The following DCC variants were observed in gnomAD, a reference collection of about 807,000 sequenced individuals.
DCC encodes DCC netrin 1 receptor, also known as netrin receptor DCC.
Under a neutral mutation model 172.5 loss-of-function variants are expected in DCC, and 58 were observed. The ratio of observed to expected loss-of-function variants is 0.34; its 90% CI spans 0.27 to 0.42. The LOEUF is 0.42. Ranked by LOEUF, DCC falls within the 10% of genes least tolerant of loss-of-function variation. DCC has a pLI of 1.00. For synonymous variants in DCC, 709 were observed against 644.5 expected (o/e 1.10, Z -1.52); for missense variants, 1,740 against 1,791.0 (o/e 0.97, Z 0.51).
chr18:53,205,565 G>T (rs140752771), intron 10 of DCC, among the ~76,000 whole-genome samples: 72 of 152,276 alleles, frequency 4.7e-4, no homozygotes, highest in African/African-American at 1.6e-3. Flanking sequence ...GGTGGTAAGA[G>T]GTAAATGGGC....
intron 2 of DCC, among the ~76,000 whole-genome samples, chr18:52,834,981 TTTC>T (rs754894919): frequency 1.1e-4 from 16 of 152,300 alleles, no homozygotes; most frequent in South Asian, 8.3e-4. Context: ...TATTAAACTA[TTTC>T]TTCTTTTGTA....
Position 53,127,393 on chromosome 18 carries a change from A to G in DCC, c.1262-29963A>G, listed in dbSNP as rs563464621. 7.2e-5 allele frequency among the ~76,000 whole-genome samples: 11 copies of G among 152,156 alleles called. No homozygotes were observed. The East Asian group carries it at 1.8e-3, about 24-fold the overall frequency. The stretch of plus-strand genomic sequence containing the variant: ...TTTCCTATAAATCAACAAGGCAGAG[A>G]AGCCCTAAAATTTGCCTTGCTGCTC... On this transcript the variant is annotated intron_variant, in intron 7 of 28. Transcript: ENST00000442544.
chr18:53,345,618 T>C (rs976375195), intron 15 of DCC, among the ~76,000 whole-genome samples: 1 of 152,222 alleles, frequency 6.6e-6, no homozygotes, highest in Non-Finnish European at 1.5e-5. Context: ...TCCCTTTAGA[T>C]TGAAAATCTT....
chr18:53,143,350 A>G (rs1009307348), intron 7 of DCC, among the ~76,000 whole-genome samples: 3 of 152,196 alleles, frequency 2.0e-5, no homozygotes, highest in Admixed American at 2.0e-4. Flanking sequence ...GCTGTATAGC[A>G]GTGATTCCTC....
intron 1 of DCC, among the ~76,000 whole-genome samples, chr18:52,594,473 G>T (rs1020861258): frequency 3.3e-5 from 5 of 152,158 alleles, no homozygotes; most frequent in African/African-American, 1.2e-4. Flanking sequence ...TTGGAGAGGA[G>T]ACAGGAACTG....
intron 8 of DCC, among the ~76,000 whole-genome samples, chr18:53,158,257 G>A (rs546510734): frequency 1.3e-5 from 2 of 152,284 alleles, no homozygotes; most frequent in East Asian, 3.9e-4. Flanking sequence ...AGTTGTTATT[G>A]TGGATATTAC....
intron 7 of DCC, among the ~76,000 whole-genome samples, chr18:53,090,715 A>C (rs2042993027): frequency 2.7e-4 from 29 of 107,700 alleles, no homozygotes; most frequent in Admixed American, 1.7e-3. Flanking sequence ...AAAAAAAAAA[A>C]AAAAAAAAAA....
chr18:52,504,486 C>T (rs1362677034), intron 1 of DCC, among the ~76,000 whole-genome samples: 1 of 152,094 alleles, frequency 6.6e-6, no homozygotes, highest in African/African-American at 2.4e-5. Context: ...ACTGAACAAG[C>T]TAGGGCCTCC....
intron 8 of DCC, among the ~76,000 whole-genome samples, chr18:53,170,545 T>C (rs182187826): frequency 2.0e-5 from 3 of 152,328 alleles, no homozygotes; most frequent in Admixed American, 1.3e-4. Context: ...TTAAATACTT[T>C]GTGGAAAAGT....
At chr18:53,435,245 T>C in intron 22 of DCC, 36 bp downstream of exon 22, 1 of 1,340,214 alleles carries the variant, frequency 7.5e-7, no homozygotes, top group Non-Finnish European at 1.1e-6. Flanking sequence ...GAATTAGTTA[T>C]ATTAATTAAA....
rs147008653 is a variant in DCC, at chr18:52,840,516, G to A, written c.413-65528G>A. Among the ~76,000 whole-genome samples, 174 of 152,162 alleles carry A rather than the reference G, an allele frequency of 1.1e-3. 1 individual carries two copies. The highest frequency in any genetic ancestry group is 4.0e-3 in the African/African-American group (165 of 41,512). On this transcript the variant is annotated intron_variant, in intron 2 of 28. Coordinates refer to ENST00000442544, the MANE Select transcript of DCC (RefSeq NM_005215.4). ...AACTTTGATCAAACTAATCAGCTTG[G>A]TATTTTTTTCATGGATGGTCCAGCT...
intron 1 of DCC, among the ~76,000 whole-genome samples, chr18:52,681,740 G>A (rs2035753386): frequency 6.6e-6 from 1 of 152,076 alleles, no homozygotes; most frequent in South Asian, 2.1e-4. Flanking sequence ...TTAGAATCAA[G>A]TCTTCTTTTC....
At chr18:53,303,736 TC>T (rs1223099718) in intron 12 of DCC, among the ~76,000 whole-genome samples, 1 of 152,116 alleles carries the variant, frequency 6.6e-6, no homozygotes, top group East Asian at 1.9e-4. Context: ...TGTCTGTGAC[TC>T]CCAAATCCCC....
intron 5 of DCC, among the ~76,000 whole-genome samples, chr18:53,000,771 T>A (rs1263878754): frequency 6.6e-6 from 1 of 151,786 alleles, no homozygotes; most frequent in African/African-American, 2.4e-5. Flanking sequence ...GAAAACCCAT[T>A]GATAAATGAT....
rs868752870 is a variant in DCC at position 53,157,388 on chromosome 18, C to T, written c.1294C>T (p.Pro432Ser). Residue 432 changes from proline (P) to serine (S), a missense_variant, in exon 8 of 29, where the codon CCC becomes TCC. Physicochemically the swap from Pro to Ser is moderately conservative, Grantham distance 74. Coordinates refer to ENST00000442544, the MANE Select transcript of DCC (RefSeq NM_005215.4). ...IPSSSVLPSA[P>S]RDVVPVLVSS... ...AAGCTCCAGTGTCCTCCCTTCGGCT[C>T]CCAGAGATGTGGTCCCTGTCTTGGT... The T allele has an allele frequency of 6.2e-6, 10 of 1,614,128 alleles. No homozygotes were observed. In the East Asian group the frequency reaches 1.3e-4, roughly 22 times the overall value.
intron 1 of DCC, among the ~76,000 whole-genome samples, chr18:52,367,953 G>A (rs547738865): frequency 1.3e-5 from 2 of 152,298 alleles, no homozygotes; most frequent in Admixed American, 6.5e-5. Flanking sequence ...TTTGTTTGGA[G>A]GGGTTGTTCC....
intron 2 of DCC, among the ~76,000 whole-genome samples, chr18:52,778,731 C>A (rs142176206): frequency 0.013 from 2,037 of 152,186 alleles, 36 homozygotes; most frequent in African/African-American, 0.046. Flanking sequence ...TACTGTCTTG[C>A]CTGAGAAAAC....
chr18:53,147,620 C>T (rs1373433946), intron 7 of DCC, among the ~76,000 whole-genome samples: 3 of 152,162 alleles, frequency 2.0e-5, no homozygotes, highest in African/African-American at 7.2e-5. Flanking sequence ...AACCTCACTG[C>T]CATACACAGC....
chr18:52,818,658 C>A (rs16955568), intron 2 of DCC, among the ~76,000 whole-genome samples: 17,075 of 152,036 alleles, frequency 0.11, 1,044 homozygotes, highest in South Asian at 0.2. Context: ...CAATGGTCAC[C>A]AAACGTTTTA....
Sources: gnomAD v4.1 joint callset for allele counts (sites outside exome capture counted in the v4.1 genomes callset) on GRCh38, gnomAD v4.1.1 for gene constraint, MANE v1.5 for transcripts, NCBI Gene and HGNC (gene_info 2026-07-23, HGNC 2026-07-21) for gene names.